The following TTLL2 variants were observed in gnomAD, a reference collection of about 807,000 sequenced individuals.
TTLL2 encodes the protein tubulin tyrosine ligase like 2.
TTLL2 carries 10 observed loss-of-function variants against 7.5 expected under a neutral mutation model. The ratio of observed to expected loss-of-function variants is 1.33; its 90% confidence interval spans 0.82 to 2.25. The LOEUF is 2.25. Among genes scored for constraint, TTLL2 ranks in the 30% most tolerant of loss-of-function variants. The probability of loss-of-function intolerance (pLI) is 0.00; values close to 1 mark genes in which losing one functional copy is unlikely to be tolerated. For missense variants in TTLL2, 733 were observed against 735.7 expected (o/e 1.00, Z 0.04); for synonymous variants, 284 against 280.3 (o/e 1.01, Z -0.13).
intron 1 of TTLL2, among the ~76,000 whole-genome samples, chr6:167,330,991 C>A (rs760508329): frequency 1.3e-5 from 2 of 152,182 alleles, no homozygotes; most frequent in Admixed American, 6.5e-5. Flanking sequence ...AGTCGCTCCC[C>A]GGGTGTGCTG....
intron 1 of TTLL2, among the ~76,000 whole-genome samples, chr6:167,329,443 G>A (rs1431034848): frequency 6.6e-6 from 1 of 152,128 alleles, no homozygotes; most frequent in Non-Finnish European, 1.5e-5. Flanking sequence ...AGCGGTTTTA[G>A]TTGGGCTGTT....
chr6:167,340,816 G>T lies in TTLL2; in HGVS notation c.916G>T (p.Gly306Trp). ...GACCAACAGCAGCATCAATAAATCCGGGGCCTCTTATGAGAAGATCAAAGA... is the reference window on the plus strand; with the variant it reads ...GACCAACAGCAGCATCAATAAATCCTGGGCCTCTTATGAGAAGATCAAAGA... ...HLTNSSINKS[G>W]ASYEKIKEVI... The change falls in exon 3 of 3, where the codon GGG (glycine) becomes TGG (tryptophan). Residue 306 changes from glycine to tryptophan, a missense_variant. Coordinates refer to ENST00000239587, the MANE Select transcript of TTLL2 (RefSeq NM_031949.5). 1 of 1,614,100 alleles carries T rather than the reference G, an allele frequency of 6.2e-7. No homozygotes were observed.
chr6:167,327,285 C>G (rs76918157), intron 1 of TTLL2, among the ~76,000 whole-genome samples: 2 of 152,120 alleles, frequency 1.3e-5, no homozygotes, highest in Non-Finnish European at 2.9e-5. Context: ...TCCTTTGTCC[C>G]GTGCCTGTGA....
intron 1 of TTLL2, among the ~76,000 whole-genome samples, chr6:167,332,285 G>A (rs374039803): frequency 3.4e-4 from 51 of 152,222 alleles, no homozygotes; most frequent in African/African-American, 1.2e-3. Flanking sequence ...GCTGCCTGTG[G>A]TCGGCTGATT....
chr6:167,338,622 A>G, intron 1 of TTLL2, 25 bp from the exon 2 acceptor site: 1 of 1,600,330 alleles, frequency 6.2e-7, no homozygotes, highest in Non-Finnish European at 8.5e-7. Context: ...CTGTGTGTTC[A>G]TTGTTGATGC....
At position 167,325,241 on chromosome 6, in the gene TTLL2, G is replaced by C. The variant is rs536215154; in HGVS notation, c.47+21G>C. 2.6e-6 allele frequency: 4 copies of C among 1,540,812 alleles called. No individual in the cohort carries two copies. In the African/African-American group the frequency reaches 4.2e-5, roughly 16 times the overall value. ...CTGGGGTAAGCGTAGGAGGCGACAC[G>C]TAGGATGGGAGGGTGGCCCCGATCA... On this transcript the variant is annotated intron_variant, in intron 1 of 2. Coordinates refer to ENST00000239587, the MANE Select transcript of TTLL2 (RefSeq NM_031949.5).
intron 1 of TTLL2, chr6:167,327,942 T>G (rs141412988): frequency 1.3e-4 from 57 of 454,494 alleles, no homozygotes; most frequent in African/African-American, 1.1e-3. Flanking sequence ...CAGCATCTGG[T>G]ATCAAGGTCA....
In TTLL2 at chr6:167,341,076, C is replaced by T. The variant is rs769224302; in HGVS notation, c.1176C>T (p.Ala392=). 6.2e-7 allele frequency: 1 copy of T among 1,613,946 alleles called. No individual in the cohort carries two copies. The highest frequency in any genetic ancestry group is 8.5e-7 in the Non-Finnish European group (1 of 1,180,000). ...PWLLEVNYSP[A]LTLDCSTDVL... is the part of the protein sequence containing the mutation. Reference sequence around the variant, plus strand: ...TTTTAGAGGTCAACTACAGCCCAGCCTTGACCTTGGATTGTTCAACAGATG... The same window carrying T: ...TTTTAGAGGTCAACTACAGCCCAGCTTTGACCTTGGATTGTTCAACAGATG... Residue 392 remains alanine, a synonymous_variant, in exon 3 of 3, where the codon GCC becomes GCT. Transcript: ENST00000239587.
intron 1 of TTLL2, among the ~76,000 whole-genome samples, chr6:167,335,413 C>T (rs1399301526): frequency 0.015 from 2,186 of 148,508 alleles, 39 homozygotes; most frequent in African/African-American, 0.053. Context: ...GTCAGTGTGG[C>T]GATTCCTCAG....
intron 1 of TTLL2, among the ~76,000 whole-genome samples, chr6:167,326,658 C>G (rs946483390): frequency 6.6e-6 from 1 of 152,146 alleles, no homozygotes; most frequent in Non-Finnish European, 1.5e-5. Flanking sequence ...TCTCATGCAA[C>G]CCAGGAGAGC....
intron 1 of TTLL2, among the ~76,000 whole-genome samples, chr6:167,331,541 T>G (rs1009878962): frequency 3.3e-5 from 5 of 152,202 alleles, no homozygotes; most frequent in African/African-American, 1.2e-4. Context: ...TTATTTCATT[T>G]TATGTAATGT....
chr6:167,340,187 C>T lies in TTLL2; in HGVS notation c.287C>T (p.Pro96Leu), dbSNP rs145779681. 727 of 1,613,768 alleles carry T rather than the reference C, an allele frequency of 4.5e-4. 5 individuals carry two copies. In the Middle Eastern group the frequency reaches 0.011, roughly 24 times the overall value. ...GTTTTTCGCGTTGACGAGACCACCC[C>T]GGCTGTGGTGCAAAGCGTCCTCCTG... ...PLVFRVDETT[P>L]AVVQSVLLER... Residue 96 changes from proline to leucine, a missense_variant, in exon 3 of 3, where the codon CCG (proline) becomes CTG (leucine). Coordinates refer to ENST00000239587, the MANE Select transcript of TTLL2 (RefSeq NM_031949.5).
intron 1 of TTLL2, among the ~76,000 whole-genome samples, chr6:167,331,965 T>A (rs1392265956): frequency 6.6e-6 from 1 of 152,212 alleles, no homozygotes; most frequent in African/African-American, 2.4e-5. Flanking sequence ...GATTCGTGAA[T>A]CATTCGTTGC....
At chr6:167,336,168 G>C (rs1278601558) in intron 1 of TTLL2, among the ~76,000 whole-genome samples, 2 of 151,842 alleles carry the variant, frequency 1.3e-5, no homozygotes, top group Admixed American at 6.6e-5. Flanking sequence ...TGTCCAGTGT[G>C]GGGGCAGCTG....
chr6:167,338,953 G>T (rs1357011792), intron 2 of TTLL2, 150 bp downstream of exon 2: 16 of 768,778 alleles, frequency 2.1e-5, no homozygotes, highest in Non-Finnish European at 2.8e-5. Context: ...CCTCCTTCCT[G>T]CTCTCCCTCT....
Position 167,340,524 on chromosome 6 carries a change from T to C in TTLL2, c.624T>C (p.Tyr208=). 6.2e-7 allele frequency: 1 copy of C among 1,614,206 alleles called. No individual in the cohort carries two copies. Among genetic ancestry groups the C allele is most frequent in the Non-Finnish European group, 8.5e-7 (1 of 1,180,036 alleles). The change falls in exon 3 of 3, where the codon TAT becomes TAC. Residue 208 remains tyrosine, a synonymous_variant. Transcript: ENST00000239587. ...AGATGCTGGGCACCAAGCATAGCTATTGGATTTGCAAGCCTGCTGAGTTAT... is the reference window on the plus strand; with the variant it reads ...AGATGCTGGGCACCAAGCATAGCTACTGGATTTGCAAGCCTGCTGAGTTAT... ...ERQMLGTKHS[Y]WICKPAELSR... is the part of the protein sequence containing the mutation.
chr6:167,340,433 T>A lies in TTLL2; in HGVS notation c.533T>A (p.Ile178Asn). The change falls in exon 3 of 3, where the codon ATC becomes AAC. Residue 178 changes from isoleucine (I) to asparagine (N), a missense_variant. Coordinates refer to ENST00000239587, the MANE Select transcript of TTLL2 (RefSeq NM_031949.5). ...TATGGCACTTCCCTGTACCAGTTCA[T>A]CCCCCTGACGTTCGTCATGCCCAAT... ...RMYGTSLYQF[I>N]PLTFVMPNDY... 1.2e-6 allele frequency: 2 copies of A among 1,614,116 alleles called. No individual in the cohort carries two copies. Among genetic ancestry groups the A allele is most frequent in the South Asian group, 1.1e-5 (1 of 91,078 alleles).
At chr6:167,335,833 AG>A (rs1411558482) in intron 1 of TTLL2, among the ~76,000 whole-genome samples, 6 of 66,586 alleles carry the variant, frequency 9.0e-5, no homozygotes, top group Admixed American at 2.0e-4. Flanking sequence ...GGGTGGGGGG[AG>A]GGGGGAGGGA....
At chr6:167,339,559 G>C (rs534564672) in intron 2 of TTLL2, among the ~76,000 whole-genome samples, 3 of 152,100 alleles carry the variant, frequency 2.0e-5, no homozygotes, top group Non-Finnish European at 4.4e-5. Context: ...TCTATGCACC[G>C]AAACCCCTCC....
Sources: allele counts gnomAD v4.1 joint callset (sites outside exome capture counted in the v4.1 genomes callset), GRCh38; gene constraint gnomAD v4.1.1; transcripts MANE v1.5; gene names NCBI Gene and HGNC (gene_info 2026-07-23, HGNC 2026-07-21).